Variants in SEMA3D observed in about 807,000 individuals in gnomAD.
The protein encoded by SEMA3D is semaphorin 3D.
Under a neutral mutation model 100.1 loss-of-function variants are expected in SEMA3D, and 84 were observed. The ratio of observed to expected loss-of-function variants is 0.84; its 90% CI spans 0.70 to 1.01. The LOEUF (loss-of-function observed/expected upper bound fraction) is 1.01. Among genes scored for constraint, SEMA3D ranks in the 50% least tolerant of loss-of-function variants. SEMA3D has a pLI of 0.00. For synonymous variants in SEMA3D, 312 were observed against 320.7 expected (o/e 0.97, Z 0.29); for missense variants, 875 against 934.1 (o/e 0.94, Z 0.82).
At chr7:85,090,064 C>T (rs749829873) in intron 4 of SEMA3D, among the ~76,000 whole-genome samples, 2 of 152,128 alleles carry the variant, frequency 1.3e-5, no homozygotes, top group African/African-American at 2.4e-5. Flanking sequence ...GTAGTGAATA[C>T]TATTCAACAC....
intron 2 of SEMA3D, among the ~76,000 whole-genome samples, chr7:85,134,640 A>G (rs1037338020): frequency 1.3e-5 from 2 of 152,008 alleles, no homozygotes; most frequent in Non-Finnish European, 2.9e-5. Context: ...TATCTATTAC[A>G]TTTACCACGG....
chr7:85,128,144 TTTATTTTATTTTATTTTA>T (rs1789617986), intron 2 of SEMA3D, among the ~76,000 whole-genome samples: 1 of 151,534 alleles, frequency 6.6e-6, no homozygotes, highest in East Asian at 1.9e-4. Context: ...TATGTTTTTA[TTTATTTTATTTTATTTTA>T]TTATTTTATT....
At position 85,027,894 on chromosome 7, in the gene SEMA3D, C is replaced by A. The variant is rs1279751813; in HGVS notation, c.1192-5281G>T. ...CTACTATTATATGGGTGTTTTCCAG[C>A]AAGGAAAAGTAGAGATAATTGCCAA... is the stretch of plus-strand genomic sequence containing the variant. On this transcript the variant is annotated intron_variant, in intron 12 of 18. Transcript: ENST00000284136. 6 of 576,180 alleles carry A rather than the reference C, an allele frequency of 1.0e-5. No individual in the cohort carries two copies. The East Asian group carries it at 2.6e-4, about 25-fold the overall frequency. The allele number at this position is 576,180 out of a possible 1,614,324, so 35.7% of individuals were successfully genotyped here.
intron 3 of SEMA3D, among the ~76,000 whole-genome samples, chr7:85,101,148 C>T (rs904372132): frequency 6.6e-6 from 1 of 151,950 alleles, no homozygotes; most frequent in Non-Finnish European, 1.5e-5. Flanking sequence ...AAAGCCTTAA[C>T]AAGATAATGC....
At chr7:85,106,502 C>T (rs1788928189) in intron 3 of SEMA3D, among the ~76,000 whole-genome samples, 1 of 151,946 alleles carries the variant, frequency 6.6e-6, no homozygotes, top group African/African-American at 2.4e-5. Context: ...AAACAGATAA[C>T]ATTATTTTAT....
chr7:85,185,341 G>C (rs1791510197), intron 1 of SEMA3D, among the ~76,000 whole-genome samples: 1 of 150,464 alleles, frequency 6.6e-6, no homozygotes, highest in Admixed American at 6.6e-5. Context: ...GTCTCTGCGC[G>C]CCCCCACCCC....
rs537640199 is a variant in SEMA3D, at chr7:85,010,807, G to A, written c.1768+1975C>T. 4.0e-5 allele frequency among the ~76,000 whole-genome samples: 6 copies of A among 151,844 alleles called. No homozygotes were observed. In the South Asian group the frequency reaches 1.0e-3, roughly 26 times the overall value. ...GTCTGTGTCTGGTACGTAAGGGTGA[G>A]TTCAGAATTGGACTATGAATTTGGG... On this transcript the variant is annotated intron_variant, in intron 17 of 18. Coordinates refer to ENST00000284136, the MANE Select transcript of SEMA3D (RefSeq NM_001384900.1).
chr7:85,074,762 G>T (rs909913008), intron 5 of SEMA3D, among the ~76,000 whole-genome samples: 2 of 151,804 alleles, frequency 1.3e-5, no homozygotes, highest in African/African-American at 2.4e-5. Flanking sequence ...AACTACAGGT[G>T]CAAGTCATCA....
the SEMA3D span, among the ~76,000 whole-genome samples, chr7:85,240,750 T>G: frequency 6.6e-6 from 1 of 152,190 alleles, no homozygotes; most frequent in African/African-American, 2.4e-5. Flanking sequence ...TTGATTCATT[T>G]CACCCAGTCT....
intron 12 of SEMA3D, among the ~76,000 whole-genome samples, chr7:85,035,678 T>C (rs986582510): frequency 1.3e-5 from 2 of 152,036 alleles, no homozygotes. Flanking sequence ...ATTGTACCTA[T>C]ACTCAACAAT....
At chr7:85,121,973 A>C (rs1322695168) in intron 2 of SEMA3D, 42 bp from the exon 3 acceptor site, 6 of 1,012,216 alleles carry the variant, frequency 5.9e-6, no homozygotes, top group Non-Finnish European at 5.6e-6. Flanking sequence ...AGGTATCAGC[A>C]AACTGACACA....
chr7:85,046,317 C>T (rs1008126355), intron 9 of SEMA3D, among the ~76,000 whole-genome samples: 3 of 151,858 alleles, frequency 2.0e-5, no homozygotes, highest in African/African-American at 7.2e-5. Context: ...ACCATGAGAA[C>T]ATTCTAACTA....
intron 12 of SEMA3D, among the ~76,000 whole-genome samples, chr7:85,030,372 C>T (rs563074793): frequency 9.9e-5 from 15 of 151,834 alleles, no homozygotes; most frequent in African/African-American, 3.4e-4. Flanking sequence ...TATTTCCCAC[C>T]AAAAAATGGA....
the SEMA3D span, among the ~76,000 whole-genome samples, chr7:85,194,728 G>A: frequency 6.6e-6 from 1 of 152,110 alleles, no homozygotes; most frequent in Non-Finnish European, 1.5e-5. Flanking sequence ...CTTAACAAGA[G>A]AAATTTATTT....
At chr7:85,100,544 T>C (rs553418948) in intron 3 of SEMA3D, among the ~76,000 whole-genome samples, 2 of 152,018 alleles carry the variant, frequency 1.3e-5, no homozygotes, top group African/African-American at 4.8e-5. Context: ...CAATTCATTA[T>C]TTAAAAGTAG....
intron 6 of SEMA3D, among the ~76,000 whole-genome samples, chr7:85,068,962 A>T (rs1791699809): frequency 6.6e-6 from 1 of 152,174 alleles, no homozygotes; most frequent in Non-Finnish European, 1.5e-5. Context: ...GACTTTTAGT[A>T]TTTGGGAAAA....
chr7:85,115,102 A>C (rs1034075506), intron 3 of SEMA3D, among the ~76,000 whole-genome samples: 4 of 152,228 alleles, frequency 2.6e-5, no homozygotes, highest in African/African-American at 9.6e-5. Flanking sequence ...AAAATCACAT[A>C]ATCAGTTTTG....
chr7:85,219,910 C>T, the SEMA3D span, among the ~76,000 whole-genome samples: 1 of 152,002 alleles, frequency 6.6e-6, no homozygotes, highest in African/African-American at 2.4e-5. Flanking sequence ...CTATTTAAGT[C>T]ACCTACAACA....
intron 1 of SEMA3D, among the ~76,000 whole-genome samples, chr7:85,185,693 C>T (rs950995197): frequency 6.6e-6 from 1 of 152,188 alleles, no homozygotes; most frequent in African/African-American, 2.4e-5. Flanking sequence ...TGTCAACTTC[C>T]CTCCTTGCAC....
Sources: allele counts gnomAD v4.1 joint callset (sites outside exome capture counted in the v4.1 genomes callset), GRCh38; gene constraint gnomAD v4.1.1; transcripts MANE v1.5; gene names NCBI Gene and HGNC (gene_info 2026-07-23, HGNC 2026-07-21).